The following XKR4 variants were observed in gnomAD, a reference collection of about 807,000 sequenced individuals.
XKR4 encodes XK related 4, also known as XK-related protein 4.
XKR4 carries 12 observed loss-of-function variants against 53.9 expected under a neutral mutation model. That is an observed-to-expected ratio of 0.22 (90% CI 0.14 to 0.36). The LOEUF (loss-of-function observed/expected upper bound fraction) is 0.36. XKR4 is among the 10% of genes least tolerant of loss of function. The pLI, the probability that XKR4 is intolerant of heterozygous loss-of-function variation, is 1.00. For missense variants in XKR4, 799 were observed against 859.5 expected (o/e 0.93, Z 0.88); for synonymous variants, 354 against 362.4 (o/e 0.98, Z 0.26).
intron 1 of XKR4, among the ~76,000 whole-genome samples, chr8:55,121,928 T>C (rs1816397779): frequency 6.6e-6 from 1 of 152,128 alleles, no homozygotes. Context: ...GCAGCCTGAT[T>C]CACTCACCTC....
At chr8:55,511,344 C>T (rs986931698) in intron 2 of XKR4, among the ~76,000 whole-genome samples, 1 of 152,134 alleles carries the variant, frequency 6.6e-6, no homozygotes, top group African/African-American at 2.4e-5. Context: ...GGAATGAAGC[C>T]AGGAAACATA....
chr8:55,414,697 A>T (rs1347519812), intron 2 of XKR4, among the ~76,000 whole-genome samples: 1 of 152,036 alleles, frequency 6.6e-6, no homozygotes, highest in Admixed American at 6.6e-5. Flanking sequence ...GAGGCAGCTG[A>T]CCACATATAC....
chr8:55,424,118 C>A (rs1330448236), intron 2 of XKR4, among the ~76,000 whole-genome samples: 1 of 152,208 alleles, frequency 6.6e-6, no homozygotes, highest in Non-Finnish European at 1.5e-5. Context: ...TGATTTTGCA[C>A]CTGCTTCAGA....
intron 1 of XKR4, among the ~76,000 whole-genome samples, chr8:55,114,063 G>A (rs1419870981): frequency 2.6e-5 from 4 of 152,084 alleles, no homozygotes; most frequent in African/African-American, 7.2e-5. Flanking sequence ...ATGATAGAAC[G>A]ATTTATATTC....
At chr8:55,365,357 A>G (rs1803964160) in intron 2 of XKR4, among the ~76,000 whole-genome samples, 2 of 152,176 alleles carry the variant, frequency 1.3e-5, no homozygotes, top group Non-Finnish European at 1.5e-5. Context: ...TTTTGTGATG[A>G]TGTATCAAGT....
At chr8:55,335,148 A>G (rs1472885677) in intron 1 of XKR4, among the ~76,000 whole-genome samples, 1 of 152,242 alleles carries the variant, frequency 6.6e-6, no homozygotes, top group Non-Finnish European at 1.5e-5. Context: ...TAATGTTTTC[A>G]TCTATGAATA....
chr8:55,373,075 T>C (rs1248958349), intron 2 of XKR4, among the ~76,000 whole-genome samples: 2 of 152,238 alleles, frequency 1.3e-5, no homozygotes, highest in Non-Finnish European at 2.9e-5. Flanking sequence ...TTGTCAGCAC[T>C]TTCATTGTGA....
chr8:55,322,825 G>C (rs1729226443), intron 1 of XKR4, among the ~76,000 whole-genome samples: 1 of 151,956 alleles, frequency 6.6e-6, no homozygotes, highest in Non-Finnish European at 1.5e-5. Flanking sequence ...TGTAATATAG[G>C]AACAATCATA....
intron 2 of XKR4, among the ~76,000 whole-genome samples, chr8:55,405,811 C>T (rs2622541): frequency 0.52 from 79,519 of 152,004 alleles, 21,464 homozygotes; most frequent in Middle Eastern, 0.6. Context: ...TTCACTGCTG[C>T]CACTTCAGTG....
chr8:55,519,783 A>G (rs910963324), intron 2 of XKR4, among the ~76,000 whole-genome samples: 1 of 152,346 alleles, frequency 6.6e-6, no homozygotes. Context: ...CCCTATTCAT[A>G]GGAAATAAAC....
intron 1 of XKR4, among the ~76,000 whole-genome samples, chr8:55,306,287 A>G (rs1003985121): frequency 6.6e-6 from 1 of 152,226 alleles, no homozygotes; most frequent in African/African-American, 2.4e-5. Flanking sequence ...TCCTGCAGGT[A>G]GCTATCCAGC....
chr8:55,172,743 C>T (rs1345963571), intron 1 of XKR4, among the ~76,000 whole-genome samples: 1 of 152,174 alleles, frequency 6.6e-6, no homozygotes, highest in East Asian at 1.9e-4. Context: ...TTATCATAGC[C>T]ACAAAGACCA....
chr8:55,478,757 C>T (rs922490568), intron 2 of XKR4, among the ~76,000 whole-genome samples: 4 of 152,040 alleles, frequency 2.6e-5, no homozygotes, highest in African/African-American at 4.8e-5. Flanking sequence ...ATCCTAGTCT[C>T]TGATAAAACA....
At chr8:55,479,107 GCACCA>G (rs1174875774) in intron 2 of XKR4, among the ~76,000 whole-genome samples, 23 of 152,130 alleles carry the variant, frequency 1.5e-4, no homozygotes, top group Admixed American at 1.2e-3. Flanking sequence ...ATTCTTTTCA[GCACCA>G]CACCACACCT....
chr8:55,428,595 G>T (rs1487092544), intron 2 of XKR4, among the ~76,000 whole-genome samples: 1 of 152,200 alleles, frequency 6.6e-6, no homozygotes, highest in East Asian at 1.9e-4. Context: ...TTTCATCCCT[G>T]CTAGGCAGCG....
At chr8:55,373,206 G>A (rs115943939) in intron 2 of XKR4, among the ~76,000 whole-genome samples, 325 of 152,218 alleles carry the variant, frequency 2.1e-3, no homozygotes, top group African/African-American at 5.3e-3. Context: ...TCACCCTGTC[G>A]TCTAGTCGGG....
intron 1 of XKR4, among the ~76,000 whole-genome samples, chr8:55,119,784 G>T (rs961240960): frequency 1.3e-5 from 2 of 152,196 alleles, no homozygotes; most frequent in Non-Finnish European, 2.9e-5. Context: ...AGCTTTAAAA[G>T]GCTCCATAAT....
chr8:55,367,578 A>C (rs1804010230), intron 2 of XKR4, among the ~76,000 whole-genome samples: 1 of 152,070 alleles, frequency 6.6e-6, no homozygotes, highest in Non-Finnish European at 1.5e-5. Flanking sequence ...GCTGGGACCA[A>C]TTTATATTCC....
Position 55,523,830 on chromosome 8 carries a change from G to A in XKR4, c.1556G>A (p.Arg519Lys), listed in dbSNP as rs770544225. 1 of 1,614,186 alleles carries A rather than the reference G, an allele frequency of 6.2e-7. No individual in the cohort carries two copies. The highest frequency in any genetic ancestry group is 1.1e-5 in the South Asian group (1 of 91,082). ...YYAFFHPNGP[R>K]FGQSPSCACE... is the part of the protein sequence containing the mutation. Reference sequence around the variant, plus strand: ...GCCTTCTTTCATCCCAATGGACCCAGATTCGGGCAGTCACCAAGTTGTGCT... The same window carrying A: ...GCCTTCTTTCATCCCAATGGACCCAAATTCGGGCAGTCACCAAGTTGTGCT... The change falls in exon 3 of 3, where the codon AGA (arginine) becomes AAA (lysine). Residue 519 changes from arginine (R) to lysine (K), a missense_variant. By Grantham distance (26) the Arg-to-Lys change is conservative. Transcript: ENST00000327381.
Sources: allele counts gnomAD v4.1 joint callset (sites outside exome capture counted in the v4.1 genomes callset), GRCh38; gene constraint gnomAD v4.1.1; transcripts MANE v1.5; gene names NCBI Gene and HGNC (gene_info 2026-07-23, HGNC 2026-07-21).